Variants in SEPTIN6 observed in about 807,000 individuals in gnomAD.
SEPTIN6 encodes septin-6.
In SEPTIN6, 8 loss-of-function variants were observed where a neutral mutation model predicts 33.6. That is an observed-to-expected ratio of 0.24 (90% CI 0.14 to 0.43). The LOEUF (loss-of-function observed/expected upper bound fraction) is 0.43, where lower values mean the gene tolerates loss of function less well. Ranked by LOEUF, SEPTIN6 falls within the 20% of genes least tolerant of loss-of-function variation. The probability of loss-of-function intolerance (pLI) is 1.00; values close to 1 mark genes in which losing one functional copy is unlikely to be tolerated. For missense variants in SEPTIN6, 250 were observed against 340.8 expected (o/e 0.73, Z 2.10); for synonymous variants, 131 against 140.0 (o/e 0.94, Z 0.45).
chrX:119,643,162 G>A (rs893626448), intron 5 of SEPTIN6, among the ~76,000 whole-genome samples: 4 of 110,535 alleles, frequency 3.6e-5, no homozygotes, highest in South Asian at 7.7e-4. Context: ...AAGACATATC[G>A]GGAGCCTCGA....
chrX:119,645,236 CTTTTTTTTTTTT>C (rs757199588), intron 5 of SEPTIN6, among the ~76,000 whole-genome samples: 1 of 71,170 alleles, frequency 1.4e-5, no homozygotes, highest in Non-Finnish European at 2.5e-5. Context: ...AAGGCCCTAC[CTTTTTTTTTTTT>C]TTTTTTTTTG....
intron 10 of SEPTIN6, among the ~76,000 whole-genome samples, chrX:119,623,051 A>AT (rs1478101307): frequency 1.8e-5 from 2 of 111,593 alleles, no homozygotes; most frequent in Non-Finnish European, 3.8e-5. Context: ...CCTCTTCAGG[A>AT]TTTGCTTCCA....
At chrX:119,637,916 G>C (rs973683823) in intron 6 of SEPTIN6, among the ~76,000 whole-genome samples, 1 of 112,404 alleles carries the variant, frequency 8.9e-6, no homozygotes, top group African/African-American at 3.2e-5. Flanking sequence ...GGAAAGTGAA[G>C]ACTTCACCGA....
chrX:119,622,701 G>A (rs181389709), intron 10 of SEPTIN6, among the ~76,000 whole-genome samples: 70 of 112,677 alleles, frequency 6.2e-4, no homozygotes, highest in African/African-American at 2.2e-3. Flanking sequence ...GCCACGTGCA[G>A]TGAAACCTGA....
At chrX:119,681,105 G>A (rs958024725) in intron 1 of SEPTIN6, among the ~76,000 whole-genome samples, 43 of 111,111 alleles carry the variant, frequency 3.9e-4, no homozygotes, top group African/African-American at 1.1e-3. Flanking sequence ...GTATCAGTCC[G>A]CATTGTTCAG....
chrX:119,632,286 T>G (rs1321947746), intron 8 of SEPTIN6, among the ~76,000 whole-genome samples: 6 of 108,830 alleles, frequency 5.5e-5, no homozygotes, highest in Admixed American at 2.0e-4. Context: ...AGCTCCGCCT[T>G]CCGGGTTCAC....
At chrX:119,675,830 G>A (rs959955212) in intron 1 of SEPTIN6, among the ~76,000 whole-genome samples, 162 bp from the exon 2 acceptor site, 2 of 111,564 alleles carry the variant, frequency 1.8e-5, no homozygotes, top group Middle Eastern at 4.6e-3. Flanking sequence ...AAAATGGCCC[G>A]TCAGCTTGGA....
Position 119,652,844 on chromosome X carries a change from C to T in SEPTIN6, c.528+10G>A, listed in dbSNP as rs777295787. On this transcript the variant is annotated intron_variant, in intron 4 of 10. Coordinates refer to ENST00000394610, the MANE Select transcript of SEPTIN6 (RefSeq NM_145799.4). ...TGAGCCCCCAGCGCCCCCGCCCCTGCCTCCTATACCTTACTGTCCAGCTTC... is the reference window on the plus strand; with the variant it reads ...TGAGCCCCCAGCGCCCCCGCCCCTGTCTCCTATACCTTACTGTCCAGCTTC... 6.7e-6 allele frequency: 8 copies of T among 1,202,863 alleles called. No individual in the cohort carries two copies. The South Asian group carries it at 1.4e-4, about 21-fold the overall frequency.
intron 4 of SEPTIN6, 139 bp downstream of exon 4, chrX:119,652,715 G>A (rs962329710): frequency 3.7e-5 from 19 of 508,726 alleles, no homozygotes; most frequent in African/African-American, 1.2e-4. Context: ...TGCTGGATCC[G>A]TAACACCATC....
chrX:119,640,165 AGTC>A, intron 6 of SEPTIN6, among the ~76,000 whole-genome samples: 1 of 12,554 alleles, frequency 8.0e-5, no homozygotes, highest in African/African-American at 3.5e-4. Context: ...CCCACTATCC[AGTC>A]TTTTTTTTTT....
At chrX:119,644,206 A>G (rs1366537155) in intron 5 of SEPTIN6, among the ~76,000 whole-genome samples, 1 of 110,938 alleles carries the variant, frequency 9.0e-6, no homozygotes, top group Non-Finnish European at 1.9e-5. Flanking sequence ...CTCTCAGGAG[A>G]GTCTGTGTGA....
rs1203685474 is a variant in SEPTIN6, at chrX:119,683,603, TAGA to T, written c.31-7938_31-7936del. Reference sequence around the variant, plus strand: ...GGAAAATACACATTTTTTAAAAGATTAGAAGAACACATGCCAAAATAATGTCAG... The same window carrying T: ...GGAAAATACACATTTTTTAAAAGATTAGAACACATGCCAAAATAATGTCAG... On this transcript the variant is annotated intron_variant, in intron 1 of 10. Transcript: ENST00000394610. 4.4e-5 allele frequency among the ~76,000 whole-genome samples: 5 copies of T among 112,863 alleles called. No individual in the cohort carries two copies. The South Asian group carries it at 1.1e-3, about 24-fold the overall frequency.
chrX:119,621,577 C>A (rs965357865), intron 10 of SEPTIN6, among the ~76,000 whole-genome samples: 1 of 107,338 alleles, frequency 9.3e-6, no homozygotes, highest in Admixed American at 1.0e-4. Flanking sequence ...CTGCAACCGC[C>A]GCCTCTGGGG....
chrX:119,625,284 G>C (rs1318443550), intron 10 of SEPTIN6, 51 bp downstream of exon 10: 1 of 878,884 alleles, frequency 1.1e-6, no homozygotes, highest in African/African-American at 2.0e-5. Context: ...GATTGGGGGA[G>C]ATATGTTCTA....
At chrX:119,674,235 G>A (rs1003821767) in intron 2 of SEPTIN6, among the ~76,000 whole-genome samples, 1 of 108,860 alleles carries the variant, frequency 9.2e-6, no homozygotes, top group Admixed American at 9.8e-5. Context: ...GTGCAGTGGC[G>A]CGATCTGAGC....
In SEPTIN6 at chrX:119,619,390, C is replaced by T; in HGVS notation, c.*703G>A. The T allele has an allele frequency of 1.2e-6, 1 of 814,556 alleles. No homozygotes were observed. The highest frequency in any genetic ancestry group is 2.1e-5 in the African/African-American group (1 of 46,769). 67.1% of individuals were successfully genotyped at this position (814,556 alleles called of 1,213,427 possible). On this transcript the variant is annotated 3_prime_UTR_variant, in exon 11 of 11. Transcript: ENST00000394610. Reference sequence around the variant, plus strand: ...TACCCAGAGTTAGAGAGAGGGGAAACGTCTGCTATTTTCTTCAGCAGTTGT... The same window carrying T: ...TACCCAGAGTTAGAGAGAGGGGAAATGTCTGCTATTTTCTTCAGCAGTTGT...
intron 10 of SEPTIN6, among the ~76,000 whole-genome samples, chrX:119,621,496 T>TGTGTGTGTGTGTGTGTGTGTGTGTGTGTG (rs1234941843): frequency 1.9e-5 from 2 of 102,779 alleles, no homozygotes; most frequent in African/African-American, 7.2e-5. Context: ...TGTGTGTGTA[T>TGTGTGTGTGTGTGTGTGTGTGTGTGTGTG]TTTTATTTCT....
intron 5 of SEPTIN6, among the ~76,000 whole-genome samples, 195 bp downstream of exon 5, chrX:119,649,742 G>GCACACCA (rs1205080745): frequency 1.8e-5 from 2 of 109,338 alleles, no homozygotes; most frequent in Non-Finnish European, 3.8e-5. Flanking sequence ...TGTGGTGAGT[G>GCACACCA]CACCTGTAAT....
rs2054860229 is a variant in SEPTIN6, at chrX:119,677,435, C to T, written c.31-1767G>A. Among the ~76,000 whole-genome samples the T allele has an allele frequency of 2.7e-5, 3 of 111,847 alleles. No homozygotes were observed. The South Asian group carries it at 1.1e-3, about 42-fold the overall frequency. ...CAGGGGAGAAGGGAGCTTGAGACAG[C>T]TGAGCTAGACAAGAAGGGAGTACTA... On this transcript the variant is annotated intron_variant, in intron 1 of 10. Transcript: ENST00000394610.
Sources: allele counts gnomAD v4.1 joint callset (sites outside exome capture counted in the v4.1 genomes callset), GRCh38; gene constraint gnomAD v4.1.1; transcripts MANE v1.5; gene names NCBI Gene and HGNC (gene_info 2026-07-23, HGNC 2026-07-21).